Variants in PAM16 observed in about 807,000 individuals in gnomAD.
PAM16 encodes the protein mitochondrial import inner membrane translocase subunit TIM16.
In PAM16, 11 loss-of-function variants were observed where a neutral mutation model predicts 17.9. The ratio of observed to expected loss-of-function variants is 0.62; its 90% CI spans 0.39 to 1.02. PAM16 has a LOEUF of 1.02. PAM16 is among the 50% of genes least tolerant of loss of function. The probability of loss-of-function intolerance (pLI) is 0.01; values close to 1 mark genes in which losing one functional copy is unlikely to be tolerated. For synonymous variants in PAM16, 72 were observed against 67.4 expected (o/e 1.07, Z -0.34); for missense variants, 199 against 165.4 (o/e 1.20, Z -1.11).
chr16:4,351,093 A>T, intron 1 of PAM16, 139 bp downstream of exon 1: 1 of 403,876 alleles, frequency 2.5e-6, no homozygotes. Flanking sequence ...CCCGGGTGCA[A>T]CGCCCCCAGA....
intron 1 of PAM16, chr16:4,344,165 G>T: frequency 2.6e-6 from 1 of 387,870 alleles, no homozygotes; most frequent in South Asian, 1.4e-4. Context: ...GAAAACTCAA[G>T]ACTGAGATGG....
chr16:4,341,240 G>T, intron 3 of PAM16, 128 bp downstream of exon 3: 1 of 1,440,432 alleles, frequency 6.9e-7, no homozygotes, highest in Non-Finnish European at 9.3e-7. Context: ...AGTGGCTCCC[G>T]AAAGTTGGAG....
chr16:4,350,079 C>T (rs1052299519), intron 1 of PAM16, among the ~76,000 whole-genome samples: 1 of 152,080 alleles, frequency 6.6e-6, no homozygotes, highest in African/African-American at 2.4e-5. Context: ...TGTGCAGAAC[C>T]TCCAGGGATA....
chr16:4,351,172 C>T (rs927783963), intron 1 of PAM16, 60 bp downstream of exon 1: 37 of 1,071,720 alleles, frequency 3.5e-5, no homozygotes, highest in Non-Finnish European at 4.4e-5. Context: ...CGCCGCCCGG[C>T]CCCCGGCCCC....
At chr16:4,351,108 G>T in intron 1 of PAM16, 124 bp downstream of exon 1, 1 of 462,554 alleles carries the variant, frequency 2.2e-6, no homozygotes, top group Non-Finnish European at 3.4e-6. Context: ...CCCAGACCAT[G>T]CTTCCCGCCG....
At chr16:4,341,278 A>G (rs1224188197) in intron 3 of PAM16, 90 bp downstream of exon 3, 48 of 1,498,242 alleles carry the variant, frequency 3.2e-5, no homozygotes, top group Non-Finnish European at 4.1e-5. Flanking sequence ...TGCAGCCTCC[A>G]CATCGGACCT....
At chr16:4,346,405 C>G (rs906325556) in intron 1 of PAM16, among the ~76,000 whole-genome samples, 1 of 152,232 alleles carries the variant, frequency 6.6e-6, no homozygotes, top group African/African-American at 2.4e-5. Context: ...AATGGTACAG[C>G]AGGTGCTCAA....
At chr16:4,342,805 A>G (rs1354328030) in intron 2 of PAM16, among the ~76,000 whole-genome samples, 1 of 151,114 alleles carries the variant, frequency 6.6e-6, no homozygotes, top group Non-Finnish European at 1.5e-5. Flanking sequence ...CTAAAAATAC[A>G]AAAATTAGCC....
At chr16:4,350,707 C>T (rs574676145) in intron 1 of PAM16, among the ~76,000 whole-genome samples, 1 of 152,274 alleles carries the variant, frequency 6.6e-6, no homozygotes, top group South Asian at 2.1e-4. Context: ...GCCAAACCTG[C>T]ACTTTTAAAG....
At chr16:4,346,264 G>A (rs765990131) in intron 1 of PAM16, among the ~76,000 whole-genome samples, 4 of 152,204 alleles carry the variant, frequency 2.6e-5, no homozygotes, top group Non-Finnish European at 5.9e-5. Context: ...GGGATCACCT[G>A]TGTGCAAAAA....
In PAM16 at chr16:4,341,349, G is replaced by A. The variant is rs546161446; in HGVS notation, c.225+19C>T. ...GCAGCCTCTCCCTCTCAAACTTTGG[G>A]GTGGCCCAGTGGCCTCACCTTCTGG... is the stretch of plus-strand genomic sequence containing the variant. On this transcript the variant is annotated intron_variant, in intron 3 of 4. Coordinates refer to ENST00000318059, the MANE Select transcript of PAM16 (RefSeq NM_016069.11). 1.0e-5 allele frequency: 16 copies of A among 1,559,442 alleles called. No individual in the cohort carries two copies. In the East Asian group the frequency reaches 3.3e-4, roughly 32 times the overall value.
chr16:4,342,141 G>C (rs1333889300), intron 2 of PAM16, among the ~76,000 whole-genome samples: 1 of 152,194 alleles, frequency 6.6e-6, no homozygotes, highest in African/African-American at 2.4e-5. Context: ...ACGAGGTCAA[G>C]AGATCGAGAC....
rs926110947 is a variant in PAM16, at chr16:4,340,779, C to A, written c.291+141G>T. Reference sequence around the variant, plus strand: ...GGCAGTTCAGGGGGCCTCCCTGAGGCTGGGGCACCATGGGAAAGCCTGGCA... The same window carrying A: ...GGCAGTTCAGGGGGCCTCCCTGAGGATGGGGCACCATGGGAAAGCCTGGCA... On this transcript the variant is annotated intron_variant, in intron 4 of 4. Transcript: ENST00000318059. The A allele has an allele frequency of 5.4e-6, 6 of 1,108,478 alleles. No homozygotes were observed. In the Admixed American group the frequency reaches 1.1e-4, roughly 20 times the overall value. 68.7% of individuals were successfully genotyped at this position (1,108,478 alleles called of 1,614,324 possible).
At chr16:4,343,561 T>C (rs111530121) in intron 1 of PAM16, 3 of 1,403,472 alleles carry the variant, frequency 2.1e-6, no homozygotes, top group Non-Finnish European at 1.8e-6. Context: ...AGGAAAGGCG[T>C]AGAGGAGCAA....
chr16:4,344,216 TTCC>T lies in PAM16; in HGVS notation c.4-928_4-926del, dbSNP rs1245914871. ...GGGGGTTCTGTGTGAGAGGAGGGCGTTCCGTGAGAGGAGGGGGTTCCGTGAGAG... is the reference window on the plus strand; with the variant it reads ...GGGGGTTCTGTGTGAGAGGAGGGCGTGTGAGAGGAGGGGGTTCCGTGAGAG... On this transcript the variant is annotated intron_variant, in intron 1 of 4. Coordinates refer to ENST00000318059, the MANE Select transcript of PAM16 (RefSeq NM_016069.11). 816 of 156,914 alleles carry T rather than the reference TTCC, an allele frequency of 5.2e-3. 38 individuals carry two copies. The highest frequency in any genetic ancestry group is 0.039 in the African/African-American group (680 of 17,634). The allele number at this position is 156,914 out of a possible 1,614,324, so 9.7% of individuals were successfully genotyped here.
chr16:4,350,519 G>T (rs1305933037), intron 1 of PAM16, among the ~76,000 whole-genome samples: 1 of 151,862 alleles, frequency 6.6e-6, no homozygotes. Flanking sequence ...TCCTGCCTCA[G>T]CCTCCCGGGT....
chr16:4,351,216 C>T lies in PAM16; in HGVS notation c.3+16G>A. The T allele has an allele frequency of 7.1e-7, 1 of 1,416,580 alleles. No individual in the cohort carries two copies. Among genetic ancestry groups the T allele is most frequent in the Non-Finnish European group, 9.3e-7 (1 of 1,074,962 alleles). The allele number at this position is 1,416,580 out of a possible 1,614,324, so 87.8% of individuals were successfully genotyped here. A position where few individuals can be genotyped will look rare whatever the true frequency, so the allele number is the denominator to read the frequency against. On this transcript the variant is annotated intron_variant, in intron 1 of 4. Coordinates refer to ENST00000318059, the MANE Select transcript of PAM16 (RefSeq NM_016069.11). ...CTCGGCTTCCCCTCCCCGGTAGCGC[C>T]CGACTCGGGGCTCACCATGGCAGCC... is the stretch of plus-strand genomic sequence containing the variant.
chr16:4,351,161 T>TTC (rs2053852142), intron 1 of PAM16, 71 bp downstream of exon 1: 1 of 958,990 alleles, frequency 1.0e-6, no homozygotes, highest in Non-Finnish European at 1.4e-6. Context: ...AGCCCGGAGC[T>TTC]CGCCGCCCGG....
chr16:4,342,387 G>A lies in PAM16; in HGVS notation c.88+820C>T, dbSNP rs533081659. Reference sequence around the variant, plus strand: ...GAAAACAAAAGGGCTGGGTGCGGTGGCTCACGCCTGTAATCCCAGTACTTC... The same window carrying A: ...GAAAACAAAAGGGCTGGGTGCGGTGACTCACGCCTGTAATCCCAGTACTTC... On this transcript the variant is annotated intron_variant, in intron 2 of 4. Coordinates refer to ENST00000318059, the MANE Select transcript of PAM16 (RefSeq NM_016069.11). Among the ~76,000 whole-genome samples the A allele has an allele frequency of 1.2e-3, 189 of 151,430 alleles. 1 individual carries two copies. The highest frequency in any genetic ancestry group is 2.4e-3 in the Non-Finnish European group (161 of 67,938).
Sources: gnomAD v4.1 joint callset for allele counts (sites outside exome capture counted in the v4.1 genomes callset) on GRCh38, gnomAD v4.1.1 for gene constraint, MANE v1.5 for transcripts, NCBI Gene and HGNC (gene_info 2026-07-23, HGNC 2026-07-21) for gene names.